The following DUOX1 variants were observed in gnomAD, a reference collection of about 807,000 sequenced individuals.
DUOX1 encodes the protein dual oxidase 1.
In DUOX1, 134 loss-of-function variants were observed where a neutral mutation model predicts 181.8. The ratio of observed to expected loss-of-function variants is 0.74; its 90% CI spans 0.64 to 0.85. The LOEUF is 0.85. Ranked by LOEUF, DUOX1 falls within the 40% of genes least tolerant of loss-of-function variation. The pLI is 0.00. For missense variants in DUOX1, 1,814 were observed against 2,064.4 expected (o/e 0.88, Z 2.35); for synonymous variants, 798 against 832.5 (o/e 0.96, Z 0.71).
intron 11 of DUOX1, 129 bp downstream of exon 11, chr15:45,139,297 A>G (rs537393572): frequency 2.5e-5 from 40 of 1,593,150 alleles, no homozygotes; most frequent in South Asian, 7.9e-5. Context: ...CTGATGAAAG[A>G]GCTTCTGACA....
chr15:45,140,983 C>T lies in DUOX1; in HGVS notation c.1478C>T (p.Pro493Leu), dbSNP rs1896474802. 1 of 1,614,220 alleles carries T rather than the reference C, an allele frequency of 6.2e-7. No homozygotes were observed. Among genetic ancestry groups the T allele is most frequent in the Non-Finnish European group, 8.5e-7 (1 of 1,180,046 alleles). ...GGACTCCTGGAGAGCCACCGGGACC[C>T]TGGACCTCTGTTCAGCACCATCGTC... ...PGGLLESHRD[P>L]GPLFSTIVLE... Residue 493 changes from proline (P) to leucine (L), a missense_variant, in exon 13 of 34, where the codon CCT becomes CTT. Physicochemically the swap from Pro to Leu is moderately conservative, Grantham distance 98. Around this residue, in one of 5 missense-constraint regions of DUOX1, gnomAD observed 1,064 missense variants for 1,152.9 expected, o/e 0.92. Transcript: ENST00000389037.
Position 45,151,879 on chromosome 15 carries a change from C to T in DUOX1, c.3020C>T (p.Thr1007Met), listed in dbSNP as rs746985836. The change falls in exon 24 of 34, where the codon ACG becomes ATG. Residue 1007 changes from threonine (T) to methionine (M), a missense_variant. Transcript: ENST00000389037. ...TAAGGCTTCCTGTCTCCCAGGGTAA[C>T]GTCATTCCAGCCCTTGCTGTTCACT... ...EIRRRFGKKV[T>M]SFQPLLFTEA... is the part of the protein sequence containing the mutation. 4.3e-6 allele frequency: 7 copies of T among 1,612,138 alleles called. No homozygotes were observed. In the South Asian group the frequency reaches 6.6e-5, roughly 15 times the overall value.
rs1443757030 is a variant in DUOX1 at position 45,143,308 on chromosome 15, G to A, written c.1936+5G>A. The A allele has an allele frequency of 6.2e-7, 1 of 1,612,690 alleles. No homozygotes were observed. Among genetic ancestry groups the A allele is most frequent in the Non-Finnish European group, 8.5e-7 (1 of 1,178,896 alleles). Reference sequence around the variant, plus strand: ...AGCTCGTGGGAGGCATGGAAGGTAGGTCTAGGGCTGGCCAGGGTGGTGGTA... The same window carrying A: ...AGCTCGTGGGAGGCATGGAAGGTAGATCTAGGGCTGGCCAGGGTGGTGGTA... On this transcript the variant is annotated splice_donor_5th_base_variant and intron_variant, in intron 16 of 33. Coordinates refer to ENST00000389037, the MANE Select transcript of DUOX1 (RefSeq NM_175940.3).
intron 20 of DUOX1, 111 bp downstream of exon 20, chr15:45,148,108 C>T (rs1290274975): frequency 4.2e-6 from 6 of 1,413,878 alleles, no homozygotes; most frequent in Non-Finnish European, 5.0e-6. Flanking sequence ...CTCCTCCTTA[C>T]CCATGTAACC....
intron 2 of DUOX1, among the ~76,000 whole-genome samples, chr15:45,132,831 C>A (rs1367620016): frequency 6.6e-6 from 1 of 152,220 alleles, no homozygotes; most frequent in Non-Finnish European, 1.5e-5. Context: ...TACTGTCCTG[C>A]AAAGGCTCTC....
At chr15:45,148,551 AT>A in intron 21 of DUOX1, 104 bp downstream of exon 21, 1 of 1,319,968 alleles carries the variant, frequency 7.6e-7, no homozygotes, top group Non-Finnish European at 1.0e-6. Flanking sequence ...TTCCATTAAA[AT>A]CAGAAGAAAA....
In DUOX1 at chr15:45,147,902, A is replaced by G. The variant is rs1339871069; in HGVS notation, c.2549-2A>G. 1 of 1,613,610 alleles carries G rather than the reference A, an allele frequency of 6.2e-7. No homozygotes were observed. Among genetic ancestry groups the G allele is most frequent in the Non-Finnish European group, 8.5e-7 (1 of 1,179,494 alleles). ...CTCCTTATGGAGTCCTCCCTCTCCC[A>G]GGCTCTCCTGAGGAAAAGTCTCGCC... On this transcript the variant is annotated splice_acceptor_variant, in intron 19 of 33. Coordinates refer to ENST00000389037, the MANE Select transcript of DUOX1 (RefSeq NM_175940.3). LOFTEE classifies it high-confidence loss of function.
In DUOX1 at chr15:45,131,990, A is replaced by G. The variant is rs775642051; in HGVS notation, c.24A>G (p.Ala8=). 4 of 1,613,870 alleles carry G rather than the reference A, an allele frequency of 2.5e-6. No homozygotes were observed. The Admixed American group carries it at 5.0e-5, about 20-fold the overall frequency. MGFCLAL[A]WTLLVGAWTP... ...TCATGGGCTTCTGCCTGGCTCTAGC[A>G]TGGACACTTCTGGTTGGGGCATGGA... The change falls in exon 2 of 34, where the codon GCA becomes GCG. Residue 8 remains alanine, a synonymous_variant. Coordinates refer to ENST00000389037, the MANE Select transcript of DUOX1 (RefSeq NM_175940.3).
chr15:45,153,506 G>C, intron 26 of DUOX1, 27 bp downstream of exon 26: 1 of 473,678 alleles, frequency 2.1e-6, no homozygotes, highest in East Asian at 5.0e-5. Flanking sequence ...GTGTGTGTGT[G>C]TGTGTGTGTG....
chr15:45,155,229 CGA>C (rs1896941461), intron 27 of DUOX1, among the ~76,000 whole-genome samples: 2 of 151,970 alleles, frequency 1.3e-5, no homozygotes, highest in East Asian at 3.9e-4. Flanking sequence ...CTTGAGAACC[CGA>C]GAGTCAGGAA....
At position 45,164,765 on chromosome 15, in the gene DUOX1, T is replaced by G; in HGVS notation, c.4534-14T>G. The G allele has an allele frequency of 2.5e-6, 4 of 1,614,110 alleles. No individual in the cohort carries two copies. The highest frequency in any genetic ancestry group is 3.4e-6 in the Non-Finnish European group (4 of 1,179,998). On this transcript the variant is annotated splice_polypyrimidine_tract_variant and intron_variant, in intron 33 of 33. Coordinates refer to ENST00000389037, the MANE Select transcript of DUOX1 (RefSeq NM_175940.3). Reference sequence around the variant, plus strand: ...GAGCAAAGAGTTAGCCTCCACTTATTCCTCCTGCAACAGGTCCGGAAGATC... The same window carrying G: ...GAGCAAAGAGTTAGCCTCCACTTATGCCTCCTGCAACAGGTCCGGAAGATC...
At chr15:45,132,539 G>T (rs927414464) in intron 2 of DUOX1, among the ~76,000 whole-genome samples, 1 of 152,176 alleles carries the variant, frequency 6.6e-6, no homozygotes, top group African/African-American at 2.4e-5. Flanking sequence ...TCTGCAGTCC[G>T]GATCTCTGTG....
At chr15:45,153,338 C>T in intron 25 of DUOX1, 42 bp from the exon 26 acceptor site, 1 of 1,570,932 alleles carries the variant, frequency 6.4e-7, no homozygotes, top group Non-Finnish European at 8.8e-7. Flanking sequence ...AGCACCCACC[C>T]TGGGCTGCCC....
intron 31 of DUOX1, 50 bp from the exon 32 acceptor site, chr15:45,163,482 T>C (rs1897155007): frequency 6.2e-7 from 1 of 1,610,160 alleles, no homozygotes; most frequent in Non-Finnish European, 8.5e-7. Flanking sequence ...CCCTGGGGTT[T>C]AGGGAGACTG....
chr15:45,147,450 G>A lies in DUOX1; in HGVS notation c.2340G>A (p.Gln780=), dbSNP rs1481478373. The change falls in exon 19 of 34, where the codon CAG becomes CAA. Residue 780 remains glutamine (Q), a synonymous_variant. Transcript: ENST00000389037. ...HLFSQVLDIN[Q]ADAGTLPLDS... ...AAGTGCAGGTGCTGGACATCAACCA[G>A]GCCGACGCAGGGACCCTGCCCCTGG... The A allele has an allele frequency of 6.2e-7, 1 of 1,613,628 alleles. No individual in the cohort carries two copies. The highest frequency in any genetic ancestry group is 1.3e-5 in the African/African-American group (1 of 74,938).
At chr15:45,148,536 T>G in intron 21 of DUOX1, 89 bp downstream of exon 21, 1 of 1,385,402 alleles carries the variant, frequency 7.2e-7, no homozygotes, top group Non-Finnish European at 9.7e-7. Context: ...CAGAAATGTT[T>G]TAATTTCCAT....
chr15:45,153,194 C>T (rs2141290816), intron 25 of DUOX1, 186 bp from the exon 26 acceptor site: 2 of 517,380 alleles, frequency 3.9e-6, no homozygotes, highest in East Asian at 6.7e-5. Flanking sequence ...GCCCTCCAGC[C>T]TGGGTGACAG....
At position 45,164,828 on chromosome 15, in the gene DUOX1, A is replaced by G. The variant is rs1291489022; in HGVS notation, c.4583A>G (p.Asn1528Ser). 7 of 1,613,996 alleles carry G rather than the reference A, an allele frequency of 4.3e-6. No homozygotes were observed. In the South Asian group the frequency reaches 6.6e-5, roughly 15 times the overall value. The change falls in exon 34 of 34, where the codon AAT (asparagine) becomes AGT (serine). Residue 1528 changes from asparagine to serine, a missense_variant. This residue lies in a region of DUOX1 where 124 missense variants were observed against 125.7 expected (regional missense o/e 0.99). Coordinates refer to ENST00000389037, the MANE Select transcript of DUOX1 (RefSeq NM_175940.3). Reference sequence around the variant, plus strand: ...TGTGGCCCCCCTGGCATGACCAAGAATGTGGAAAAGGCCTGTCAGCTCATC... The same window carrying G: ...TGTGGCCCCCCTGGCATGACCAAGAGTGTGGAAAAGGCCTGTCAGCTCATC... ...FSCGPPGMTKNVEKACQLINR... is the reference protein window; with the variant it reads ...FSCGPPGMTKSVEKACQLINR...
At chr15:45,151,642 C>A (rs755772362) in intron 23 of DUOX1, among the ~76,000 whole-genome samples, 3 of 152,054 alleles carry the variant, frequency 2.0e-5, no homozygotes, top group Non-Finnish European at 2.9e-5. Flanking sequence ...GAGTACATCC[C>A]CTGGGAAGAA....
Sources: allele counts gnomAD v4.1 joint callset (sites outside exome capture counted in the v4.1 genomes callset), GRCh38; gene constraint gnomAD v4.1.1; regional missense constraint gnomAD v4.1.1; transcripts MANE v1.5; gene names NCBI Gene and HGNC (gene_info 2026-07-23, HGNC 2026-07-21).